The following FSIP2 variants were observed in gnomAD, a reference collection of about 807,000 sequenced individuals.
FSIP2 encodes the protein fibrous sheath interacting protein 2.
FSIP2 carries 367 observed loss-of-function variants against 510.5 expected under a neutral mutation model. The ratio of observed to expected loss-of-function variants is 0.72; its 90% CI spans 0.66 to 0.78. The LOEUF (loss-of-function observed/expected upper bound fraction) is 0.78, where lower values mean the gene tolerates loss of function less well. Among genes scored for constraint, FSIP2 ranks in the 30% least tolerant of loss-of-function variants. The pLI is 0.00. For missense variants in FSIP2, 7,594 were observed against 7,901.7 expected (o/e 0.96, Z 1.48); for synonymous variants, 2,601 against 2,732.2 (o/e 0.95, Z 1.50).
rs947556995 is a variant in FSIP2 at position 185,805,978 on chromosome 2, A to G, written c.16672A>G (p.Thr5558Ala). 1.3e-6 allele frequency: 2 copies of G among 1,559,180 alleles called. No individual in the cohort carries two copies. Among genetic ancestry groups the G allele is most frequent in the Non-Finnish European group, 1.7e-6 (2 of 1,156,920 alleles). The change falls in exon 17 of 23, where the codon ACA becomes GCA. Residue 5558 changes from threonine (T) to alanine (A), a missense_variant. Physicochemically the swap from Thr to Ala is moderately conservative, Grantham distance 58. Coordinates refer to ENST00000424728, the MANE Select transcript of FSIP2 (RefSeq NM_173651.4). ...TACTCAGGAGCCAAATTTGAGTGAA[A>G]CATTTAATAATAATGAAATTGAGAA... is the stretch of plus-strand genomic sequence containing the variant. The part of the protein sequence containing the change: ...KDTQEPNLSE[T>A]FNNNEIEKKR...
rs1344494420 is a variant in FSIP2, at chr2:185,739,518, G to A, written c.225+47G>A. 12 of 1,403,786 alleles carry A rather than the reference G, an allele frequency of 8.5e-6. No individual in the cohort carries two copies. The African/African-American group carries it at 1.3e-4, about 16-fold the overall frequency. 87.0% of individuals were successfully genotyped at this position (1,403,786 alleles called of 1,614,324 possible). On this transcript the variant is annotated intron_variant, in intron 2 of 22. Transcript: ENST00000424728. ...TTCTTTCCTTTACCCTTTACTACTT[G>A]CTGTTTAACTCAAAGGCTGCATCAT...
At chr2:185,740,981 A>T (rs1691911662) in intron 2 of FSIP2, among the ~76,000 whole-genome samples, 1 of 152,202 alleles carries the variant, frequency 6.6e-6, no homozygotes, top group South Asian at 2.1e-4. Flanking sequence ...TCTTTAAAAA[A>T]AACTAATCTG....
At chr2:185,738,750 ACCATTGGAAG>A (rs1691846426), upstream of FSIP2, 1 of 1,535,942 alleles carries the variant, frequency 6.5e-7, no homozygotes, top group East Asian at 2.4e-5. Flanking sequence ...TGGGGCCGCT[ACCATTGGAAG>A]CCTGGAACGC....
chr2:185,790,051 A>G lies in FSIP2; in HGVS notation c.2915A>G (p.Tyr972Cys). Residue 972 changes from tyrosine (Y) to cysteine (C), a missense_variant, in exon 16 of 23, where the codon TAC becomes TGC. Transcript: ENST00000424728. ...ISSPSDTKEK[Y>C]RLTGTRLSNS... ...AGTCCTTCTGACACCAAAGAAAAGT[A>G]CAGACTCACTGGCACTAGATTATCA... 1 of 1,533,658 alleles carries G rather than the reference A, an allele frequency of 6.5e-7. No homozygotes were observed. Among genetic ancestry groups the G allele is most frequent in the Non-Finnish European group, 8.7e-7 (1 of 1,145,328 alleles).
intron 15 of FSIP2, among the ~76,000 whole-genome samples, chr2:185,786,951 TTCTA>T (rs912284344): frequency 1.3e-5 from 2 of 151,842 alleles, no homozygotes; most frequent in African/African-American, 2.4e-5. Context: ...AAAACTAGGA[TTCTA>T]TCTATCATAT....
rs1394827674 is a variant in FSIP2, at chr2:185,806,643, T to G, written c.17337T>G (p.Pro5779=). 6.2e-7 allele frequency: 1 copy of G among 1,605,876 alleles called. No individual in the cohort carries two copies. Among genetic ancestry groups the G allele is most frequent in the Non-Finnish European group, 8.5e-7 (1 of 1,177,294 alleles). ...CTCAAAACCAACGAGAAAGTAAACC[T>G]GGAATTTTTCCCGCTAAGTTTTTAG... is the stretch of plus-strand genomic sequence containing the variant. ...DDPQNQRESK[P]GIFPAKFLED... The change falls in exon 17 of 23, where the codon CCT becomes CCG. Residue 5779 remains proline, a synonymous_variant. Transcript: ENST00000424728.
chr2:185,779,974 G>A (rs1261652792), intron 13 of FSIP2, among the ~76,000 whole-genome samples: 1 of 148,822 alleles, frequency 6.7e-6, no homozygotes, highest in Admixed American at 6.7e-5. Context: ...TTTTTAGGCT[G>A]AGGCATAAGA....
rs558772966 is a variant in FSIP2 at position 185,788,895 on chromosome 2, G to A, written c.1759G>A (p.Val587Ile). 1.3e-6 allele frequency: 2 copies of A among 1,535,030 alleles called. No homozygotes were observed. The highest frequency in any genetic ancestry group is 4.9e-5 in the East Asian group (2 of 40,870). The change falls in exon 16 of 23, where the codon GTA becomes ATA. Residue 587 changes from valine (V) to isoleucine (I), a missense_variant. By Grantham distance (29) the Val-to-Ile change is conservative (BLOSUM62 3). Coordinates refer to ENST00000424728, the MANE Select transcript of FSIP2 (RefSeq NM_173651.4). ...ATTTCAGGCAGAACCCTGTGCATTTGTAGTTGACACGTCAGTAAGGAGACC... is the reference window on the plus strand; with the variant it reads ...ATTTCAGGCAGAACCCTGTGCATTTATAGTTGACACGTCAGTAAGGAGACC... ...KTFQAEPCAF[V>I]VDTSVRRPTT...
At position 185,755,485 on chromosome 2, in the gene FSIP2, T is replaced by A. The variant is rs1358033689; in HGVS notation, c.992-707T>A. 2.6e-5 allele frequency among the ~76,000 whole-genome samples: 4 copies of A among 151,594 alleles called. No homozygotes were observed. In the Admixed American group the frequency reaches 2.6e-4, roughly 10 times the overall value. ...ATACACTGTTGAAGAAGAAGTAGTA[T>A]GAAAATGAGTTTAATTTATATTATC... On this transcript the variant is annotated intron_variant, in intron 8 of 22. Transcript: ENST00000424728.
chr2:185,802,427 C>G lies in FSIP2; in HGVS notation c.13121C>G (p.Ala4374Gly). ...SFNTDIVDEL[A>G]TSVYRNALKQ... ...AATACAGATATTGTGGATGAACTTG[C>G]CACCTCAGTTTATAGAAATGCTTTA... Residue 4374 changes from alanine (A) to glycine (G), a missense_variant, in exon 17 of 23, where the codon GCC (alanine) becomes GGC (glycine). By Grantham distance (60) the Ala-to-Gly change is moderately conservative. Coordinates refer to ENST00000424728, the MANE Select transcript of FSIP2 (RefSeq NM_173651.4). The G allele has an allele frequency of 6.5e-7, 1 of 1,533,852 alleles. No individual in the cohort carries two copies. Among genetic ancestry groups the G allele is most frequent in the African/African-American group, 1.4e-5 (1 of 72,980 alleles).
At chr2:185,776,384 C>G (rs553083215) in intron 13 of FSIP2, among the ~76,000 whole-genome samples, 1 of 152,124 alleles carries the variant, frequency 6.6e-6, no homozygotes, top group African/African-American at 2.4e-5. Flanking sequence ...AGTTGTCCTG[C>G]TTTTCATTGC....
chr2:185,809,210 G>T (rs1448430596), intron 17 of FSIP2, 77 bp downstream of exon 17: 2 of 1,457,636 alleles, frequency 1.4e-6, no homozygotes, highest in African/African-American at 2.9e-5. Flanking sequence ...CCTCAAATAA[G>T]TATATGGAAA....
Position 185,804,036 on chromosome 2 carries a change from ATT to A in FSIP2, c.14734_14735del (p.Leu4912IlefsTer2), listed in dbSNP as rs1431281699. 4.6e-6 allele frequency: 7 copies of A among 1,508,096 alleles called. No individual in the cohort carries two copies. The African/African-American group carries it at 9.8e-5, about 21-fold the overall frequency. The allele number at this position is 1,508,096 out of a possible 1,614,324, so 93.4% of individuals were successfully genotyped here. On this transcript the variant is annotated frameshift_variant, in exon 17 of 23. Coordinates refer to ENST00000424728, the MANE Select transcript of FSIP2 (RefSeq NM_173651.4). LOFTEE classifies it high-confidence loss of function. ...KEIFNHHIQS[F>X]LSEDKTLLLA... ...AAATCTTTAACCATCATATTCAATC[ATT>A]TTTATCTGAAGATAAAACTCTCCTT...
Position 185,795,392 on chromosome 2 carries a change from G to A in FSIP2, c.8256G>A (p.Lys2752=), listed in dbSNP as rs572529786. The A allele has an allele frequency of 6.5e-7, 1 of 1,534,846 alleles. No homozygotes were observed. The highest frequency in any genetic ancestry group is 2.4e-5 in the East Asian group (1 of 40,848). The change falls in exon 16 of 23, where the codon AAG becomes AAA. Residue 2752 remains lysine (K), a synonymous_variant. Coordinates refer to ENST00000424728, the MANE Select transcript of FSIP2 (RefSeq NM_173651.4). ...TTAACATCCTAGAAACAATTGTGAAGGAATTTGGAAAGGTAAAGCAAACCA... is the reference window on the plus strand; with the variant it reads ...TTAACATCCTAGAAACAATTGTGAAAGAATTTGGAAAGGTAAAGCAAACCA... ...IIINILETIV[K]EFGKVKQTKA...
At chr2:185,778,729 A>G (rs1047302643) in intron 13 of FSIP2, among the ~76,000 whole-genome samples, 1 of 151,908 alleles carries the variant, frequency 6.6e-6, no homozygotes, top group Non-Finnish European at 1.5e-5. Context: ...TTGGGATGTA[A>G]TGTTCTAAAT....
rs1414999286 is a variant in FSIP2, at chr2:185,800,083, C to A, written c.10777C>A (p.Pro3593Thr). The A allele has an allele frequency of 3.3e-6, 5 of 1,532,810 alleles. No homozygotes were observed. Among genetic ancestry groups the A allele is most frequent in the Non-Finnish European group, 4.4e-6 (5 of 1,144,486 alleles). The allele number at this position is 1,532,810 out of a possible 1,614,324, so 95.0% of individuals were successfully genotyped here. Residue 3593 changes from proline (P) to threonine (T), a missense_variant, in exon 17 of 23, where the codon CCA becomes ACA. Coordinates refer to ENST00000424728, the MANE Select transcript of FSIP2 (RefSeq NM_173651.4). ...CATACCTACAAAATACACTTACTGTCCAGGAATAGTTTCTGGTGGCTTTGA... is the reference window on the plus strand; with the variant it reads ...CATACCTACAAAATACACTTACTGTACAGGAATAGTTTCTGGTGGCTTTGA... Reference protein sequence around the residue: ...VAIPTKYTYCPGIVSGGFDDL... With the variant: ...VAIPTKYTYCTGIVSGGFDDL...
chr2:185,759,574 A>G (rs1454733972), intron 9 of FSIP2, among the ~76,000 whole-genome samples: 1 of 135,428 alleles, frequency 7.4e-6, no homozygotes, highest in African/African-American at 2.7e-5. Flanking sequence ...ATAATTTACT[A>G]TATTTATGAT....
chr2:185,770,379 T>C (rs1692582180), intron 13 of FSIP2, among the ~76,000 whole-genome samples: 1 of 152,126 alleles, frequency 6.6e-6, no homozygotes, highest in Non-Finnish European at 1.5e-5. Flanking sequence ...CAGTAGGCTA[T>C]ACACGCACGG....
In FSIP2 at chr2:185,806,026, G is replaced by C; in HGVS notation, c.16720G>C (p.Asp5574His). ...IEKKRNLIPT[D>H]KKGKDDEIYT... Reference sequence around the variant, plus strand: ...GAAGAAAAGAAATTTAATTCCAACAGATAAAAAAGGGAAAGATGATGAGAT... The same window carrying C: ...GAAGAAAAGAAATTTAATTCCAACACATAAAAAAGGGAAAGATGATGAGAT... Residue 5574 changes from aspartate to histidine, a missense_variant, in exon 17 of 23, where the codon GAT becomes CAT. Transcript: ENST00000424728. 4.5e-6 allele frequency: 7 copies of C among 1,553,282 alleles called. No individual in the cohort carries two copies. Among genetic ancestry groups the C allele is most frequent in the Non-Finnish European group, 6.1e-6 (7 of 1,148,376 alleles).
Sources: allele counts gnomAD v4.1 joint callset (sites outside exome capture counted in the v4.1 genomes callset), GRCh38; gene constraint gnomAD v4.1.1; transcripts MANE v1.5; gene names NCBI Gene and HGNC (gene_info 2026-07-23, HGNC 2026-07-21).